C8orf34: variants seen among roughly 807,000 people sequenced by gnomAD.
The protein encoded by C8orf34 is chromosome 8 open reading frame 34, also known as uncharacterized protein C8orf34.
Under a neutral mutation model 68.3 loss-of-function variants are expected in C8orf34, and 65 were observed. That is an observed-to-expected ratio of 0.95 (90% CI 0.78 to 1.17). The LOEUF (loss-of-function observed/expected upper bound fraction) is 1.17, where lower values mean the gene tolerates loss of function less well. C8orf34 is among the 50% of genes most tolerant of loss of function. C8orf34 has a pLI of 0.00. For synonymous variants in C8orf34, 244 were observed against 241.2 expected (o/e 1.01, Z -0.11); for missense variants, 664 against 655.4 (o/e 1.01, Z -0.14).
intron 10 of C8orf34, among the ~76,000 whole-genome samples, chr8:68,760,784 G>A (rs1374329937): frequency 6.6e-6 from 1 of 152,148 alleles, no homozygotes; most frequent in East Asian, 1.9e-4. Context: ...ACTAAGAAGT[G>A]GAAAATATCT....
chr8:68,424,750 A>G (rs1163502312), intron 1 of C8orf34, among the ~76,000 whole-genome samples: 1 of 152,060 alleles, frequency 6.6e-6, no homozygotes, highest in Admixed American at 6.6e-5. Flanking sequence ...AATACAAAAA[A>G]TTAGCTGGGC....
At chr8:68,532,904 A>G in intron 6 of C8orf34, 79 bp from the exon 7 acceptor site, 1 of 1,048,978 alleles carries the variant, frequency 9.5e-7, no homozygotes, top group Non-Finnish European at 1.4e-6. Context: ...ATACGTGTGT[A>G]ATAAAATAAC....
chr8:68,406,725 C>T (rs1380891987), intron 1 of C8orf34, among the ~76,000 whole-genome samples: 1 of 152,036 alleles, frequency 6.6e-6, no homozygotes, highest in African/African-American at 2.4e-5. Context: ...AAGCTCCTGA[C>T]CTCAAGTGAC....
intron 5 of C8orf34, among the ~76,000 whole-genome samples, chr8:68,510,086 G>A (rs762764882): frequency 6.6e-6 from 1 of 152,100 alleles, no homozygotes; most frequent in Non-Finnish European, 1.5e-5. Context: ...TCTGCCTCTG[G>A]ATCCTGTAAA....
At position 68,407,376 on chromosome 8, in the gene C8orf34, C is replaced by T. The variant is rs192793156; in HGVS notation, c.328-32123C>T. 3.0e-4 allele frequency among the ~76,000 whole-genome samples: 46 copies of T among 152,186 alleles called. 1 individual carries two copies. The highest frequency in any genetic ancestry group is 1.1e-3 in the African/African-American group (46 of 41,530). On this transcript the variant is annotated intron_variant, in intron 1 of 13. Coordinates refer to ENST00000518698, the MANE Select transcript of C8orf34 (RefSeq NM_052958.4). ...TCGTAAAACTGTAAGATAATTTTGC[C>T]TGCTCCCTACAGGCTAAGATCTACA...
At chr8:68,396,712 CAAAAAAAAAAAAA>C (rs56946858) in intron 1 of C8orf34, among the ~76,000 whole-genome samples, 14 of 18,696 alleles carry the variant, frequency 7.5e-4, no homozygotes, top group Admixed American at 2.2e-3. Flanking sequence ...AGCTGCTTGT[CAAAAAAAAAAAAA>C]AAAAAAAAAA....
chr8:68,515,856 G>A (rs1563499854), intron 5 of C8orf34, among the ~76,000 whole-genome samples: 1 of 152,208 alleles, frequency 6.6e-6, no homozygotes, highest in Non-Finnish European at 1.5e-5. Context: ...ATTGTACTAT[G>A]TATGAATCAG....
chr8:68,445,865 C>A (rs1811098915), intron 2 of C8orf34, among the ~76,000 whole-genome samples: 1 of 152,320 alleles, frequency 6.6e-6, no homozygotes, highest in East Asian at 1.9e-4. Flanking sequence ...TCTCGGCTCA[C>A]TGCAACTTCT....
intron 8 of C8orf34, among the ~76,000 whole-genome samples, chr8:68,661,538 T>A (rs1819679000): frequency 6.6e-6 from 1 of 152,200 alleles, no homozygotes; most frequent in Non-Finnish European, 1.5e-5. Flanking sequence ...ACGAAAGATC[T>A]TAGCAAAGAG....
chr8:68,426,616 A>C (rs1193210158), intron 1 of C8orf34, among the ~76,000 whole-genome samples: 1 of 151,804 alleles, frequency 6.6e-6, no homozygotes, highest in Non-Finnish European at 1.5e-5. Context: ...CCAACAAAGC[A>C]GTAGTATAAT....
chr8:68,678,841 A>C (rs1365765416), intron 8 of C8orf34, among the ~76,000 whole-genome samples: 1 of 146,754 alleles, frequency 6.8e-6, no homozygotes, highest in African/African-American at 2.5e-5. Flanking sequence ...TATTTGGAAA[A>C]ACCTAAAGAC....
chr8:68,638,155 G>A (rs1434727917), intron 7 of C8orf34, among the ~76,000 whole-genome samples: 2 of 152,124 alleles, frequency 1.3e-5, no homozygotes, highest in South Asian at 2.1e-4. Flanking sequence ...CCCTCTGAAA[G>A]TCTCCAGTCA....
chr8:68,455,860 A>G (rs965014941), intron 3 of C8orf34, among the ~76,000 whole-genome samples: 17 of 152,172 alleles, frequency 1.1e-4, no homozygotes, highest in African/African-American at 2.2e-4. Context: ...TATTGTTCAT[A>G]TGTTTTAAAG....
chr8:68,355,778 C>T (rs1165501042), intron 1 of C8orf34, among the ~76,000 whole-genome samples: 2 of 152,142 alleles, frequency 1.3e-5, no homozygotes, highest in South Asian at 2.1e-4. Context: ...TCCTGCATCT[C>T]CACAGTGACA....
At chr8:68,637,882 C>T (rs1303339805) in intron 7 of C8orf34, among the ~76,000 whole-genome samples, 1 of 152,032 alleles carries the variant, frequency 6.6e-6, no homozygotes, top group Admixed American at 6.6e-5. Context: ...TGAGGGATAG[C>T]ATATCCAGCA....
At chr8:68,454,023 A>G (rs184169180) in intron 3 of C8orf34, among the ~76,000 whole-genome samples, 1 of 151,924 alleles carries the variant, frequency 6.6e-6, no homozygotes, top group African/African-American at 2.4e-5. Context: ...TTCTCGATCA[A>G]TTGAGATAAT....
chr8:68,484,022 G>A (rs1812970571), intron 4 of C8orf34, among the ~76,000 whole-genome samples: 1 of 152,212 alleles, frequency 6.6e-6, no homozygotes, highest in Admixed American at 6.5e-5. Context: ...AAGAAAGGGG[G>A]TTTAATTGGC....
chr8:68,654,630 T>G (rs949935199), intron 8 of C8orf34, among the ~76,000 whole-genome samples: 1 of 152,144 alleles, frequency 6.6e-6, no homozygotes, highest in Non-Finnish European at 1.5e-5. Context: ...TTTACATACA[T>G]AGTATTTAAT....
At chr8:68,581,682 G>GC (rs1419786323) in intron 7 of C8orf34, among the ~76,000 whole-genome samples, 15 of 152,230 alleles carry the variant, frequency 9.9e-5, no homozygotes, top group African/African-American at 3.6e-4. Flanking sequence ...TGAAACTACT[G>GC]CCAAGTTAGA....
Sources: allele counts gnomAD v4.1 joint callset (sites outside exome capture counted in the v4.1 genomes callset), GRCh38; gene constraint gnomAD v4.1.1; transcripts MANE v1.5; gene names NCBI Gene and HGNC (gene_info 2026-07-23, HGNC 2026-07-21).